Variants in AASDH observed in about 807,000 individuals in gnomAD.
The protein encoded by AASDH is aminoadipate-semialdehyde dehydrogenase, also known as beta-alanine-activating enzyme.
Under a neutral mutation model 102.3 loss-of-function variants are expected in AASDH, and 81 were observed. That is an observed-to-expected ratio of 0.79 (90% CI 0.66 to 0.95). The LOEUF (loss-of-function observed/expected upper bound fraction) is 0.95, where lower values mean the gene tolerates loss of function less well. Among genes scored for constraint, AASDH ranks in the 40% least tolerant of loss-of-function variants. The pLI is 0.00. For synonymous variants in AASDH, 398 were observed against 454.0 expected, an observed-to-expected ratio of 0.88 and a Z score of 1.57; for missense variants, 1,203 against 1,266.2, an observed-to-expected ratio of 0.95 and a Z score of 0.76.
chr4:56,370,688 T>C (rs1312336387), intron 5 of AASDH, among the ~76,000 whole-genome samples: 1 of 152,192 alleles, frequency 6.6e-6, no homozygotes, highest in Non-Finnish European at 1.5e-5. Flanking sequence ...CTGTTGTTTA[T>C]AAGCTACCCA....
rs1037954164 is a variant in AASDH, at chr4:56,355,315, A to G, written c.970T>C (p.Ser324Pro). Residue 324 changes from serine to proline, a missense_variant, in exon 6 of 15, where the codon TCA (serine) becomes CCA (proline). Physicochemically the swap from Ser to Pro is moderately conservative, Grantham distance 74 (BLOSUM62 -1). Transcript: ENST00000205214. ...VLALGGEAFPSLTVLRSWRGE... is the reference protein window; with the variant it reads ...VLALGGEAFPPLTVLRSWRGE... ...CTCCAGCTTCTGAGAACTGTCAATG[A>G]TGGAAACGCTTCACCACCAAGGGCT... The G allele has an allele frequency of 6.2e-7, 1 of 1,614,184 alleles. No individual in the cohort carries two copies. Among genetic ancestry groups the G allele is most frequent in the African/African-American group, 1.3e-5 (1 of 75,052 alleles).
Position 56,352,539 on chromosome 4 carries a change from G to A in AASDH, c.1576+865C>T, listed in dbSNP as rs1303547945. Among the ~76,000 whole-genome samples, 3 of 152,060 alleles carry A rather than the reference G, an allele frequency of 2.0e-5. No individual in the cohort carries two copies. In the East Asian group the frequency reaches 5.8e-4, roughly 29 times the overall value. ...CTTCCAAGTAGCTGGGACTACAGGCGTGCACCACTGCAATCAGCTAATTTT... is the reference window on the plus strand; with the variant it reads ...CTTCCAAGTAGCTGGGACTACAGGCATGCACCACTGCAATCAGCTAATTTT... On this transcript the variant is annotated intron_variant, in intron 9 of 14. Coordinates refer to ENST00000205214, the MANE Select transcript of AASDH (RefSeq NM_181806.4).
At position 56,343,736 on chromosome 4, in the gene AASDH, A is replaced by G. The variant is rs1319114311; in HGVS notation, c.2653-52T>C. 3 of 1,544,208 alleles carry G rather than the reference A, an allele frequency of 1.9e-6. No individual in the cohort carries two copies. In the African/African-American group the frequency reaches 4.1e-5, roughly 21 times the overall value. ...GTTCTTGTTGATGGTTAACAAATCC[A>G]TATAACCTACCCTTCATGATATTAT... On this transcript the variant is annotated intron_variant, in intron 12 of 14. Coordinates refer to ENST00000205214, the MANE Select transcript of AASDH (RefSeq NM_181806.4).
chr4:56,343,400 A>C (rs1312385079), intron 13 of AASDH, among the ~76,000 whole-genome samples, 162 bp downstream of exon 13: 1 of 152,052 alleles, frequency 6.6e-6, no homozygotes, highest in Non-Finnish European at 1.5e-5. Flanking sequence ...AAATTTTCTT[A>C]TCTTTCTAGA....
intron 13 of AASDH, 28 bp from the exon 14 acceptor site, chr4:56,342,994 ATTTTATGTCATCCTACTAATCAG>A: frequency 6.5e-7 from 1 of 1,535,734 alleles, no homozygotes; most frequent in Non-Finnish European, 8.8e-7. Flanking sequence ...AATTCACAGC[ATTTTATGTCATCCTACTAATCAG>A]TTACCCTTTA....
In AASDH at chr4:56,384,668, T is replaced by A. The variant is rs192277858; in HGVS notation, c.-42-327A>T. Among the ~76,000 whole-genome samples, 97 of 152,106 alleles carry A rather than the reference T, an allele frequency of 6.4e-4. 1 individual carries two copies. Among genetic ancestry groups the A allele is most frequent in the African/African-American group, 2.3e-3 (94 of 41,488 alleles). Reference sequence around the variant, plus strand: ...AAATATGAAATATATAAAAAATTAATCAATAAAATCAAATTTAAAGGACCC... The same window carrying A: ...AAATATGAAATATATAAAAAATTAAACAATAAAATCAAATTTAAAGGACCC... On this transcript the variant is annotated intron_variant, in intron 1 of 14. Coordinates refer to ENST00000205214, the MANE Select transcript of AASDH (RefSeq NM_181806.4).
At chr4:56,380,141 G>C (rs1167054418) in intron 3 of AASDH, among the ~76,000 whole-genome samples, 2 of 152,174 alleles carry the variant, frequency 1.3e-5, no homozygotes, top group Non-Finnish European at 2.9e-5. Flanking sequence ...TGGTTAGAAA[G>C]GGTCTATGAG....
At chr4:56,373,424 T>C (rs1287945279) in intron 4 of AASDH, among the ~76,000 whole-genome samples, 1 of 152,128 alleles carries the variant, frequency 6.6e-6, no homozygotes, top group African/African-American at 2.4e-5. Flanking sequence ...ATTACAGGTG[T>C]GAGCCACCGC....
Position 56,371,467 on chromosome 4 carries a change from C to G in AASDH, c.845G>C (p.Arg282Thr). ...KLASVLFSHH[R>T]VTVLQATPTL... is the part of the protein sequence containing the mutation. ...AAAATGTACCTGCAAAACAGTCACT[C>G]TATGATGGGAAAAGAGAACGCTGGC... Residue 282 changes from arginine (R) to threonine (T), a missense_variant, in exon 5 of 15, where the codon AGA becomes ACA. Transcript: ENST00000205214. 2 of 1,611,436 alleles carry G rather than the reference C, an allele frequency of 1.2e-6. No individual in the cohort carries two copies. Among genetic ancestry groups the G allele is most frequent in the Non-Finnish European group, 1.7e-6 (2 of 1,179,494 alleles).
intron 4 of AASDH, among the ~76,000 whole-genome samples, chr4:56,371,994 C>G (rs78870405): frequency 1.9e-3 from 282 of 152,262 alleles, no homozygotes; most frequent in African/African-American, 6.4e-3. Context: ...AGCTGAAGAA[C>G]AGAAGGGAGG....
rs1271347896 is a variant in AASDH, at chr4:56,382,484, TG to T, written c.343del (p.Gln115LysfsTer13). On this transcript the variant is annotated frameshift_variant, in exon 3 of 15. Transcript: ENST00000205214. LOFTEE classifies it high-confidence loss of function. ...TGAAACATCCAGACTTACATTAATT[TG>T]TTTTTTTTCAACAAGGATATACTTT... The part of the protein sequence containing the change: ...NLKYILVEKK[Q>X]INKFKSFHET... The T allele has an allele frequency of 7.7e-6, 12 of 1,566,284 alleles. No individual in the cohort carries two copies. Among genetic ancestry groups the T allele is most frequent in the Non-Finnish European group, 1.1e-5 (12 of 1,142,128 alleles).
At chr4:56,357,025 G>T (rs980647542) in intron 5 of AASDH, 2 of 344,234 alleles carry the variant, frequency 5.8e-6, no homozygotes, top group Admixed American at 3.9e-5. Context: ...AATGAATAAA[G>T]ATTTATAACA....
At chr4:56,377,961 C>T (rs536178668) in intron 4 of AASDH, among the ~76,000 whole-genome samples, 187 bp downstream of exon 4, 3 of 152,256 alleles carry the variant, frequency 2.0e-5, no homozygotes, top group Admixed American at 6.5e-5. Context: ...CCCACCAACA[C>T]GCCTGGCTGA....
Position 56,351,377 on chromosome 4 carries a change from C to G in AASDH, c.1657G>C (p.Glu553Gln), listed in dbSNP as rs759579318. The change falls in exon 10 of 15, where the codon GAG becomes CAG. Residue 553 changes from glutamate to glutamine, a missense_variant. Transcript: ENST00000205214. Reference protein sequence around the residue: ...LKSENKLSGKEDLWEKLQYLW... With the variant: ...LKSENKLSGKQDLWEKLQYLW... The stretch of plus-strand genomic sequence containing the variant: ...TACTGTAATTTTTCCCAAAGGTCCT[C>G]TTTCCCACTGAGCTTATTCTCAGAC... 1.2e-6 allele frequency: 2 copies of G among 1,600,838 alleles called. No individual in the cohort carries two copies. Among genetic ancestry groups the G allele is most frequent in the Admixed American group, 1.7e-5 (1 of 59,410 alleles).
At chr4:56,377,998 C>G (rs906659367) in intron 4 of AASDH, 150 bp downstream of exon 4, 41 of 721,708 alleles carry the variant, frequency 5.7e-5, no homozygotes, top group Non-Finnish European at 7.7e-5. Flanking sequence ...GTAGAGACAG[C>G]TTTCACCATG....
chr4:56,373,020 GGGCA>G (rs2109976731), intron 4 of AASDH, among the ~76,000 whole-genome samples: 1 of 152,274 alleles, frequency 6.6e-6, no homozygotes, highest in Admixed American at 6.5e-5. Flanking sequence ...CCCACGTATA[GGGCA>G]GGACCCTTTC....
At chr4:56,344,926 G>A (rs543762321) in intron 12 of AASDH, among the ~76,000 whole-genome samples, 1 of 148,782 alleles carries the variant, frequency 6.7e-6, no homozygotes, top group African/African-American at 2.5e-5. Flanking sequence ...AGACTAATGA[G>A]GTGAATTTTC....
At chr4:56,343,491 A>C in intron 13 of AASDH, 71 bp downstream of exon 13, 1 of 1,349,826 alleles carries the variant, frequency 7.4e-7, no homozygotes, top group East Asian at 2.6e-5. Flanking sequence ...TCAAACTTTC[A>C]AAGCTCAAAG....
At chr4:56,361,502 A>T (rs1165283254) in intron 5 of AASDH, among the ~76,000 whole-genome samples, 4 of 152,220 alleles carry the variant, frequency 2.6e-5, no homozygotes, top group Non-Finnish European at 5.9e-5. Context: ...ACAAGTCAGC[A>T]TCCTTTGCTA....
Sources: gnomAD v4.1 joint callset for allele counts (sites outside exome capture counted in the v4.1 genomes callset) on GRCh38, gnomAD v4.1.1 for gene constraint, MANE v1.5 for transcripts, NCBI Gene and HGNC (gene_info 2026-07-23, HGNC 2026-07-21) for gene names.